Variants in FHIT observed in about 807,000 individuals in gnomAD.
FHIT encodes the protein bis(5'-adenosyl)-triphosphatase.
A neutral mutation model predicts 17.9 loss-of-function variants in FHIT; 19 were observed. That is an observed-to-expected ratio of 1.06 (90% confidence interval 0.74 to 1.56). The LOEUF (loss-of-function observed/expected upper bound fraction) is 1.56, where lower values mean the gene tolerates loss of function less well. FHIT is among the 40% of genes most tolerant of loss of function. FHIT has a pLI of 0.00. For missense variants in FHIT, 248 were observed against 189.2 expected, an observed-to-expected ratio of 1.31 and a Z score of -1.82; for synonymous variants, 81 against 69.7, an observed-to-expected ratio of 1.16 and a Z score of -0.81.
intron 3 of FHIT, chr3:60,856,526 G>C (rs183453504): frequency 2.3e-4 from 35 of 152,186 alleles, no homozygotes; most frequent in African/African-American, 8.2e-4. Flanking sequence ...ATATCTTCCT[G>C]TGGTTTCCAG....
At chr3:60,925,907 C>A (rs1707578938) in intron 3 of FHIT, among the ~76,000 whole-genome samples, 1 of 152,112 alleles carries the variant, frequency 6.6e-6, no homozygotes, top group Non-Finnish European at 1.5e-5. Context: ...GGTTGCAATC[C>A]TAGTCTCTGA....
At chr3:60,798,711 A>T (rs1378727137) in intron 4 of FHIT, among the ~76,000 whole-genome samples, 3 of 122,544 alleles carry the variant, frequency 2.4e-5, no homozygotes, top group Non-Finnish European at 3.7e-5. Flanking sequence ...AATTTAGACC[A>T]GTCAATCATC....
At chr3:60,656,567 C>G (rs1347491971) in intron 4 of FHIT, among the ~76,000 whole-genome samples, 4 of 152,170 alleles carry the variant, frequency 2.6e-5, no homozygotes, top group African/African-American at 9.7e-5. Context: ...ACAAACTTGT[C>G]AAGCGCTCAA....
At chr3:60,898,478 C>T (rs1274131191) in intron 3 of FHIT, among the ~76,000 whole-genome samples, 3 of 152,284 alleles carry the variant, frequency 2.0e-5, no homozygotes, top group African/African-American at 4.8e-5. Context: ...TTTACCCACA[C>T]TGAACCCACA....
intron 4 of FHIT, among the ~76,000 whole-genome samples, chr3:60,612,718 T>C (rs1306435671): frequency 2.6e-5 from 4 of 152,208 alleles, no homozygotes; most frequent in African/African-American, 9.7e-5. Context: ...AAAAGATCTA[T>C]CTGTAAGAAC....
intron 3 of FHIT, among the ~76,000 whole-genome samples, chr3:60,927,757 G>T (rs897169902): frequency 6.6e-6 from 1 of 150,466 alleles, no homozygotes; most frequent in Non-Finnish European, 1.5e-5. Flanking sequence ...CAGCCGCCCC[G>T]CCTGGGAGGT....
chr3:60,967,176 T>C (rs570410926), intron 3 of FHIT, among the ~76,000 whole-genome samples: 19 of 152,330 alleles, frequency 1.2e-4, no homozygotes, highest in Non-Finnish European at 2.4e-4. Flanking sequence ...TCAGCAGTAG[T>C]ATATGTGCTC....
At chr3:60,146,359 T>C (rs1187191321) in intron 5 of FHIT, among the ~76,000 whole-genome samples, 7 of 151,952 alleles carry the variant, frequency 4.6e-5, no homozygotes, top group Admixed American at 4.6e-4. Context: ...CAATAGGCTA[T>C]TGTATGCTGG....
intron 3 of FHIT, among the ~76,000 whole-genome samples, chr3:61,006,942 A>G (rs1240645236): frequency 6.6e-6 from 1 of 152,194 alleles, no homozygotes; most frequent in Non-Finnish European, 1.5e-5. Context: ...TTAACCACAG[A>G]ATATATTCTT....
intron 3 of FHIT, among the ~76,000 whole-genome samples, chr3:60,846,786 G>A (rs569241901): frequency 1.3e-5 from 2 of 152,100 alleles, no homozygotes; most frequent in South Asian, 4.2e-4. Context: ...TGCATTAATG[G>A]ATGTATTTGT....
intron 3 of FHIT, among the ~76,000 whole-genome samples, chr3:60,991,955 T>C (rs2030264302): frequency 1.3e-5 from 2 of 152,180 alleles, no homozygotes; most frequent in Admixed American, 6.5e-5. Flanking sequence ...TCCAGGCCCT[T>C]GGACAAATGT....
chr3:60,453,345 C>G (rs2031872203), intron 5 of FHIT, among the ~76,000 whole-genome samples: 1 of 152,078 alleles, frequency 6.6e-6, no homozygotes, highest in South Asian at 2.1e-4. Context: ...AAAATTCATT[C>G]TCTTCACTTT....
intron 4 of FHIT, among the ~76,000 whole-genome samples, chr3:60,570,179 G>A (rs1559548118): frequency 6.6e-6 from 1 of 152,234 alleles, no homozygotes; most frequent in East Asian, 1.9e-4. Flanking sequence ...TGGAATCACT[G>A]TCAGAGTTTC....
chr3:59,796,673 G>T (rs1699790598), intron 8 of FHIT, among the ~76,000 whole-genome samples: 1 of 152,184 alleles, frequency 6.6e-6, no homozygotes, highest in African/African-American at 2.4e-5. Flanking sequence ...GGATGCAAAG[G>T]AGGGTTCAAT....
chr3:60,684,480 A>G (rs1312093213), intron 4 of FHIT, among the ~76,000 whole-genome samples: 1 of 152,032 alleles, frequency 6.6e-6, no homozygotes, highest in Non-Finnish European at 1.5e-5. Context: ...TCCAGAGTTC[A>G]TGTTCTTTCC....
At chr3:60,270,722 A>G (rs1008218260) in intron 5 of FHIT, among the ~76,000 whole-genome samples, 1 of 152,216 alleles carries the variant, frequency 6.6e-6, no homozygotes, top group Non-Finnish European at 1.5e-5. Flanking sequence ...AGTTTCAGAG[A>G]TTAGTTCGGC....
At chr3:60,371,133 A>C (rs1044939080) in intron 5 of FHIT, among the ~76,000 whole-genome samples, 1 of 152,168 alleles carries the variant, frequency 6.6e-6, no homozygotes, top group Non-Finnish European at 1.5e-5. Flanking sequence ...GTGTTGTTCC[A>C]ATCTGTTTAT....
intron 4 of FHIT, among the ~76,000 whole-genome samples, chr3:60,647,901 C>T (rs1312555396): frequency 6.6e-6 from 1 of 152,120 alleles, no homozygotes; most frequent in Non-Finnish European, 1.5e-5. Context: ...GGTGGCTTAA[C>T]AGCAAATATT....
intron 2 of FHIT, among the ~76,000 whole-genome samples, chr3:61,099,493 C>T (rs1176669272): frequency 6.6e-6 from 1 of 152,096 alleles, no homozygotes; most frequent in Non-Finnish European, 1.5e-5. Flanking sequence ...GGAATGCTAC[C>T]AGCTCTTCTC....
Sources: gnomAD v4.1 joint callset for allele counts (sites outside exome capture counted in the v4.1 genomes callset) on GRCh38, gnomAD v4.1.1 for gene constraint, MANE v1.5 for transcripts, NCBI Gene and HGNC (gene_info 2026-07-23, HGNC 2026-07-21) for gene names.